CNTN4: variants seen among roughly 807,000 people sequenced by gnomAD.
The protein encoded by CNTN4 is contactin 4, also known as contactin-4.
A neutral mutation model predicts 122.5 loss-of-function variants in CNTN4; 77 were observed. The observed-to-expected ratio is 0.63, with a 90% CI of 0.52 to 0.76. The LOEUF is 0.76. Among genes scored for constraint, CNTN4 ranks in the 30% least tolerant of loss-of-function variants. CNTN4 has a pLI of 0.00. For missense variants in CNTN4, 1,256 were observed against 1,259.1 expected, an observed-to-expected ratio of 1.00 and a Z score of 0.04; for synonymous variants, 512 against 447.0, an observed-to-expected ratio of 1.15 and a Z score of -1.83.
chr3:2,485,154 G>A (rs2076116680), intron 3 of CNTN4, among the ~76,000 whole-genome samples: 1 of 152,248 alleles, frequency 6.6e-6, no homozygotes, highest in Admixed American at 6.5e-5. Context: ...GTGGGGCAGG[G>A]CTTGGGACCT....
chr3:2,852,256 T>C (rs568451982), intron 7 of CNTN4, among the ~76,000 whole-genome samples: 1 of 152,318 alleles, frequency 6.6e-6, no homozygotes, highest in South Asian at 2.1e-4. Context: ...CATTTTCTTT[T>C]CTGGAAAGCA....
intron 4 of CNTN4, among the ~76,000 whole-genome samples, chr3:2,593,609 A>G (rs1436571699): frequency 6.6e-6 from 1 of 152,212 alleles, no homozygotes; most frequent in Non-Finnish European, 1.5e-5. Context: ...AATAAGTCAT[A>G]TTTTGGATGG....
At chr3:2,225,483 G>A (rs191644704) in intron 2 of CNTN4, among the ~76,000 whole-genome samples, 3 of 151,878 alleles carry the variant, frequency 2.0e-5, no homozygotes, top group East Asian at 3.9e-4. Context: ...GCTGCACTCC[G>A]GCCTGGACAA....
chr3:2,201,187 A>G (rs950144977), intron 2 of CNTN4, among the ~76,000 whole-genome samples: 1 of 152,162 alleles, frequency 6.6e-6, no homozygotes, highest in Non-Finnish European at 1.5e-5. Flanking sequence ...AGGACAGGGC[A>G]TTTGCCCTCC....
chr3:2,480,886 T>A (rs931792863), intron 3 of CNTN4, among the ~76,000 whole-genome samples: 1 of 152,206 alleles, frequency 6.6e-6, no homozygotes, highest in Non-Finnish European at 1.5e-5. Context: ...TGTGGTATTG[T>A]TGAAAGAACA....
intron 2 of CNTN4, among the ~76,000 whole-genome samples, chr3:2,302,404 GGTGACAGAGC>G (rs1399746470): frequency 2.1e-4 from 32 of 152,218 alleles, no homozygotes; most frequent in African/African-American, 7.5e-4. Flanking sequence ...CTCCAGCCTG[GGTGACAGAGC>G]GAGACTCCAT....
intron 2 of CNTN4, among the ~76,000 whole-genome samples, chr3:2,267,090 T>C (rs954583026): frequency 1.3e-5 from 2 of 152,090 alleles, no homozygotes; most frequent in African/African-American, 4.8e-5. Context: ...AAAGAACTTC[T>C]AATGAGTGAA....
chr3:2,355,106 A>G (rs1057369115), intron 3 of CNTN4, among the ~76,000 whole-genome samples: 3 of 152,216 alleles, frequency 2.0e-5, no homozygotes, highest in Non-Finnish European at 2.9e-5. Flanking sequence ...GCATCTGCTT[A>G]GTAACATCCT....
chr3:2,241,981 T>A (rs1396575331), intron 2 of CNTN4, among the ~76,000 whole-genome samples: 1 of 152,106 alleles, frequency 6.6e-6, no homozygotes, highest in East Asian at 1.9e-4. Context: ...TCAAACACAA[T>A]TTCTAAATGT....
chr3:2,642,690 C>T (rs1447218274), intron 4 of CNTN4, among the ~76,000 whole-genome samples: 1 of 152,164 alleles, frequency 6.6e-6, no homozygotes, highest in African/African-American at 2.4e-5. Context: ...GAATCCCCTC[C>T]TTAATGTCTC....
intron 3 of CNTN4, among the ~76,000 whole-genome samples, chr3:2,564,539 G>C (rs983655952): frequency 6.6e-6 from 1 of 152,056 alleles, no homozygotes; most frequent in African/African-American, 2.4e-5. Context: ...TCTTCTTATA[G>C]AATAATGTAA....
intron 2 of CNTN4, among the ~76,000 whole-genome samples, chr3:2,148,351 T>G (rs2125387296): frequency 6.6e-6 from 1 of 151,910 alleles, no homozygotes; most frequent in Non-Finnish European, 1.5e-5. Context: ...CTGGGCATTA[T>G]AGGGGTACCC....
intron 3 of CNTN4, among the ~76,000 whole-genome samples, chr3:2,485,811 C>T (rs1471175704): frequency 6.6e-6 from 1 of 152,026 alleles, no homozygotes; most frequent in Admixed American, 6.5e-5. Context: ...GTGTCTAGCT[C>T]AGGGATTATA....
At chr3:2,319,505 T>G (rs2043211566) in intron 2 of CNTN4, among the ~76,000 whole-genome samples, 1 of 152,088 alleles carries the variant, frequency 6.6e-6, no homozygotes, top group African/African-American at 2.4e-5. Flanking sequence ...GCAGAACTAA[T>G]CCCTCCTCTT....
intron 3 of CNTN4, among the ~76,000 whole-genome samples, chr3:2,437,876 A>C (rs2048309749): frequency 6.6e-6 from 1 of 152,044 alleles, no homozygotes; most frequent in Admixed American, 6.6e-5. Flanking sequence ...TGGCTTGCCT[A>C]CTTTACCAGT....
intron 3 of CNTN4, among the ~76,000 whole-genome samples, chr3:2,351,530 G>C (rs1299848742): frequency 1.3e-5 from 2 of 152,194 alleles, no homozygotes; most frequent in African/African-American, 2.4e-5. Flanking sequence ...TTTGAAAACA[G>C]AAAGTAAATA....
At chr3:2,342,716 C>T (rs946413458) in intron 3 of CNTN4, among the ~76,000 whole-genome samples, 1 of 152,162 alleles carries the variant, frequency 6.6e-6, no homozygotes, top group African/African-American at 2.4e-5. Flanking sequence ...GTTGGCTTCT[C>T]CTTCCACCAT....
chr3:2,483,237 C>T (rs1415572184), intron 3 of CNTN4, among the ~76,000 whole-genome samples: 1 of 152,168 alleles, frequency 6.6e-6, no homozygotes, highest in Non-Finnish European at 1.5e-5. Context: ...TGTCCTATTA[C>T]ATTTTAGACT....
intron 3 of CNTN4, among the ~76,000 whole-genome samples, chr3:2,473,121 C>T (rs536273345): frequency 1.3e-5 from 2 of 151,698 alleles, no homozygotes; most frequent in South Asian, 4.2e-4. Flanking sequence ...ATCCCAGGTA[C>T]TCAGGAGGCT....
Sources: allele counts gnomAD v4.1 joint callset (sites outside exome capture counted in the v4.1 genomes callset), GRCh38; gene constraint gnomAD v4.1.1; transcripts MANE v1.5; gene names NCBI Gene and HGNC (gene_info 2026-07-23, HGNC 2026-07-21).